Variants in PXYLP1 observed in about 807,000 individuals in gnomAD.
PXYLP1 encodes the protein 2-phosphoxylose phosphatase 1.
PXYLP1 carries 17 observed loss-of-function variants against 37.9 expected under a neutral mutation model. That is an observed-to-expected ratio of 0.45 (90% CI 0.31 to 0.67). PXYLP1 has a LOEUF of 0.67. PXYLP1 is among the 30% of genes least tolerant of loss of function. PXYLP1 has a pLI of 0.07. For synonymous variants in PXYLP1, 221 were observed against 232.2 expected, an observed-to-expected ratio of 0.95 and a Z score of 0.44; for missense variants, 511 against 612.0, an observed-to-expected ratio of 0.84 and a Z score of 1.74.
intron 2 of PXYLP1, among the ~76,000 whole-genome samples, chr3:141,265,381 A>T (rs1325809717): frequency 6.6e-6 from 1 of 152,162 alleles, no homozygotes; most frequent in Non-Finnish European, 1.5e-5. Context: ...TCCTTACAGA[A>T]TCAGAATCTT....
intron 1 of PXYLP1, among the ~76,000 whole-genome samples, chr3:141,247,775 T>G (rs1940995412): frequency 1.3e-5 from 2 of 152,188 alleles, no homozygotes; most frequent in African/African-American, 4.8e-5. Context: ...AGAAACTCCA[T>G]CTAGAAACTT....
At chr3:141,259,471 G>A (rs1193209334) in intron 1 of PXYLP1, among the ~76,000 whole-genome samples, 1 of 151,100 alleles carries the variant, frequency 6.6e-6, no homozygotes, top group African/African-American at 2.4e-5. Context: ...CACTTCCAAT[G>A]TGGTTAGGGG....
chr3:141,281,500 A>G (rs1230216224), intron 4 of PXYLP1, among the ~76,000 whole-genome samples: 1 of 152,244 alleles, frequency 6.6e-6, no homozygotes, highest in Non-Finnish European at 1.5e-5. Flanking sequence ...GGCAGCCCTC[A>G]GTGAATAGCT....
At chr3:141,289,054 G>C (rs373080032) in intron 5 of PXYLP1, among the ~76,000 whole-genome samples, 1 of 152,334 alleles carries the variant, frequency 6.6e-6, no homozygotes, top group African/African-American at 2.4e-5. Context: ...CTAGAAAATA[G>C]AATGAAATCT....
chr3:141,253,758 T>G (rs1480676951), intron 1 of PXYLP1, among the ~76,000 whole-genome samples: 2 of 151,026 alleles, frequency 1.3e-5, no homozygotes, highest in Non-Finnish European at 2.9e-5. Context: ...TAATGAACCC[T>G]CAAGGATCTG....
At chr3:141,246,772 A>G (rs1056432601) in intron 1 of PXYLP1, among the ~76,000 whole-genome samples, 3 of 152,248 alleles carry the variant, frequency 2.0e-5, no homozygotes, top group African/African-American at 7.2e-5. Flanking sequence ...ATAGTAAATC[A>G]TTCCCAAACT....
At chr3:141,262,394 C>A in intron 2 of PXYLP1, 1 of 1,018,750 alleles carries the variant, frequency 9.8e-7, no homozygotes, top group Non-Finnish European at 1.2e-6. Flanking sequence ...AATTTTCCAT[C>A]CTTTGGTTGG....
chr3:141,260,060 T>A, intron 1 of PXYLP1, 63 bp from the exon 2 acceptor site: 1 of 1,236,756 alleles, frequency 8.1e-7, no homozygotes, highest in Non-Finnish European at 1.1e-6. Context: ...TTGGTTATTT[T>A]CAGTTGACAA....
At chr3:141,273,793 C>T in intron 2 of PXYLP1, 1 of 985,204 alleles carries the variant, frequency 1.0e-6, no homozygotes, top group Non-Finnish European at 1.2e-6. Context: ...ATTTGCCCTC[C>T]TACTTGGTAA....
At position 141,292,750 on chromosome 3, in the gene PXYLP1, G is replaced by A. The variant is rs745978599; in HGVS notation, c.988G>A (p.Glu330Lys). The change falls in exon 6 of 6, where the codon GAG becomes AAG. Residue 330 changes from glutamate (E) to lysine (K), a missense_variant. Glu to Lys is a moderately conservative substitution (Grantham distance 56, BLOSUM62 1). Transcript: ENST00000286353. The surrounding 1 kb of genome is among the most constrained non-coding windows in gnomAD (Gnocchi z 4.3). ...CAAGGTAATTAAGACCCATCAGATC[G>A]AGGATGAAAGGGAAAGACGGGAGAA... ...HFKVIKTHQI[E>K]DERERREKKL... is the part of the protein sequence containing the mutation. 11 of 1,613,794 alleles carry A rather than the reference G, an allele frequency of 6.8e-6. No homozygotes were observed. The highest frequency in any genetic ancestry group is 5.5e-5 in the South Asian group (5 of 91,024).
chr3:141,243,070 G>C (rs1047498712), intron 1 of PXYLP1, among the ~76,000 whole-genome samples: 2 of 152,170 alleles, frequency 1.3e-5, no homozygotes, highest in Admixed American at 1.3e-4. Context: ...TCAGTGCCAG[G>C]GAGGGACCAT....
intron 1 of PXYLP1, among the ~76,000 whole-genome samples, chr3:141,252,438 G>A (rs1235933047): frequency 6.6e-6 from 1 of 152,118 alleles, no homozygotes; most frequent in Non-Finnish European, 1.5e-5. Context: ...AATCATGGTG[G>A]AAGGCAAAGG....
Position 141,283,235 on chromosome 3 carries a change from G to A in PXYLP1, c.365+3731G>A, listed in dbSNP as rs572987385. On this transcript the variant is annotated intron_variant, in intron 4 of 5. Transcript: ENST00000286353. The stretch of plus-strand genomic sequence containing the variant: ...TTGACCTCATGATCAGCCCACCTCA[G>A]CCTCCCAAAGTGCTGGGATTACAGG... 5.9e-5 allele frequency among the ~76,000 whole-genome samples: 9 copies of A among 151,952 alleles called. No individual in the cohort carries two copies. In the East Asian group the frequency reaches 1.7e-3, roughly 29 times the overall value.
intron 1 of PXYLP1, among the ~76,000 whole-genome samples, chr3:141,256,552 GCACA>G (rs149017086): frequency 2.6e-5 from 4 of 151,904 alleles, no homozygotes; most frequent in Non-Finnish European, 5.9e-5. Context: ...GCGCGTGTGC[GCACA>G]CACACACACC....
At chr3:141,238,818 T>C (rs761557448) in intron 1 of PXYLP1, among the ~76,000 whole-genome samples, 20 of 152,212 alleles carry the variant, frequency 1.3e-4, no homozygotes, top group Non-Finnish European at 2.6e-4. Flanking sequence ...GAAAATGTTA[T>C]TAAGAAAATC....
At chr3:141,264,623 C>A (rs1941464853) in intron 2 of PXYLP1, among the ~76,000 whole-genome samples, 1 of 152,184 alleles carries the variant, frequency 6.6e-6, no homozygotes, top group African/African-American at 2.4e-5. Context: ...CAAGCCGACA[C>A]CCTGGAATAC....
chr3:141,233,477 A>C (rs1040883991), intron 1 of PXYLP1, among the ~76,000 whole-genome samples: 2 of 151,852 alleles, frequency 1.3e-5, no homozygotes, highest in Non-Finnish European at 2.9e-5. Context: ...AAAAAAAAAA[A>C]AAAAAAAACC....
intron 1 of PXYLP1, among the ~76,000 whole-genome samples, chr3:141,255,853 C>T (rs1413319954): frequency 1.3e-5 from 2 of 152,200 alleles, no homozygotes; most frequent in Non-Finnish European, 2.9e-5. Flanking sequence ...CAGAAAGAGC[C>T]AGTTGGCTGG....
In PXYLP1 at chr3:141,274,962, G is replaced by A. The variant is rs1481591488; in HGVS notation, c.80-3380G>A. ...CTGTGGGGTGGGATGGCTCAGAGCA[G>A]CTCAGAACAGTGAGAACCAAGTTGG... is the stretch of plus-strand genomic sequence containing the variant. On this transcript the variant is annotated intron_variant, in intron 2 of 5. Transcript: ENST00000286353. Among the ~76,000 whole-genome samples, 3 of 152,200 alleles carry A rather than the reference G, an allele frequency of 2.0e-5. No homozygotes were observed. The East Asian group carries it at 5.8e-4, about 29-fold the overall frequency.
Sources: gnomAD v4.1 joint callset for allele counts (sites outside exome capture counted in the v4.1 genomes callset) on GRCh38, gnomAD v4.1.1 for gene constraint, Gnocchi (gnomAD v3.1) non-coding constraint, MANE v1.5 for transcripts, NCBI Gene and HGNC (gene_info 2026-07-23, HGNC 2026-07-21) for gene names.